The following NRP1 variants were observed in gnomAD, a reference collection of about 807,000 sequenced individuals.
The protein encoded by NRP1 is neuropilin-1.
NRP1 carries 35 observed loss-of-function variants against 106.7 expected under a neutral mutation model. The ratio of observed to expected loss-of-function variants is 0.33; its 90% confidence interval spans 0.25 to 0.43. NRP1 has a LOEUF of 0.43. Ranked by LOEUF, NRP1 falls within the 20% of genes least tolerant of loss-of-function variation. The pLI, the probability that NRP1 is intolerant of heterozygous loss-of-function variation, is 1.00. For missense variants in NRP1, 1,024 were observed against 1,170.4 expected (o/e 0.87, Z 1.83); for synonymous variants, 437 against 417.9 (o/e 1.05, Z -0.56).
At chr10:33,231,813 A>T (rs143114710) in intron 6 of NRP1, among the ~76,000 whole-genome samples, 41 of 152,312 alleles carry the variant, frequency 2.7e-4, no homozygotes, top group Middle Eastern at 3.4e-3. Flanking sequence ...GGGGATAAAC[A>T]GTAGGAGCTT....
chr10:33,228,440 T>C (rs981342239), intron 6 of NRP1, among the ~76,000 whole-genome samples: 2 of 152,172 alleles, frequency 1.3e-5, no homozygotes, highest in Non-Finnish European at 2.9e-5. Context: ...TCCCAACTTT[T>C]GAATTTTGCT....
chr10:33,254,904 C>T (rs761864986), intron 5 of NRP1, among the ~76,000 whole-genome samples: 1 of 152,210 alleles, frequency 6.6e-6, no homozygotes, highest in Non-Finnish European at 1.5e-5. Context: ...ATTAGGTGGA[C>T]ATGTCCCTGG....
In NRP1 at chr10:33,179,815, C is replaced by A; in HGVS notation, c.*261G>T. Reference sequence around the variant, plus strand: ...GAGGGGTCGAAATGAATGATTATGTCAATCATACTTGGTCTCAACACCAGC... The same window carrying A: ...GAGGGGTCGAAATGAATGATTATGTAAATCATACTTGGTCTCAACACCAGC... On this transcript the variant is annotated 3_prime_UTR_variant, in exon 17 of 17. Transcript: ENST00000374867. 1 of 464,180 alleles carries A rather than the reference C, an allele frequency of 2.2e-6. No individual in the cohort carries two copies. Among genetic ancestry groups the A allele is most frequent in the Non-Finnish European group, 3.9e-6 (1 of 258,908 alleles). The allele number at this position is 464,180 out of a possible 1,614,324, so 28.8% of individuals were successfully genotyped here. A position where few individuals can be genotyped will look rare whatever the true frequency, so the allele number is the denominator to read the frequency against.
In NRP1 at chr10:33,330,772, C is replaced by T; in HGVS notation, c.184G>A (p.Asp62Asn). The change falls in exon 2 of 17, where the codon GAC (aspartate) becomes AAC (asparagine). Residue 62 changes from aspartate to asparagine, a missense_variant. By Grantham distance (23) the Asp-to-Asn change is conservative. This residue lies in a region of NRP1 where 279 missense variants were observed against 327.4 expected (regional missense o/e 0.85). Transcript: ENST00000374867. Reference protein sequence around the residue: ...EKCEWLIQAPDPYQRIMINFN... With the variant: ...EKCEWLIQAPNPYQRIMINFN... The stretch of plus-strand genomic sequence containing the variant: ...TTGATCATAATTCTCTGGTATGGGT[C>T]CGGAGCCTGAATCAGCCATTCGCAT... The T allele has an allele frequency of 6.2e-7, 1 of 1,613,878 alleles. No homozygotes were observed. Among genetic ancestry groups the T allele is most frequent in the Non-Finnish European group, 8.5e-7 (1 of 1,179,854 alleles).
intron 2 of NRP1, among the ~76,000 whole-genome samples, chr10:33,286,215 G>C (rs1844524863): frequency 6.6e-6 from 1 of 152,178 alleles, no homozygotes; most frequent in Admixed American, 6.5e-5. Context: ...CAAAGAAACG[G>C]CTTCTCTAAT....
intron 15 of NRP1, among the ~76,000 whole-genome samples, chr10:33,184,217 TG>T (rs770285169): frequency 6.6e-5 from 10 of 152,132 alleles, no homozygotes; most frequent in Non-Finnish European, 1.5e-4. Context: ...GGTTTTGCCA[TG>T]TTGGCCAGGC....
intron 2 of NRP1, among the ~76,000 whole-genome samples, chr10:33,283,772 A>G (rs1400073107): frequency 6.6e-6 from 1 of 152,170 alleles, no homozygotes; most frequent in Non-Finnish European, 1.5e-5. Context: ...TTAAGGAGTA[A>G]TTGTGTGTTT....
chr10:33,275,098 C>G (rs1755725197), intron 2 of NRP1, among the ~76,000 whole-genome samples: 2 of 152,168 alleles, frequency 1.3e-5, no homozygotes, highest in Non-Finnish European at 2.9e-5. Flanking sequence ...TAGTCTGCAT[C>G]TATGTTTCTG....
At chr10:33,199,550 G>A (rs1267003686) in intron 11 of NRP1, among the ~76,000 whole-genome samples, 1 of 151,120 alleles carries the variant, frequency 6.6e-6, no homozygotes, top group African/African-American at 2.4e-5. Context: ...GCCAAAATCT[G>A]TATTTTTGAA....
intron 5 of NRP1, among the ~76,000 whole-genome samples, 182 bp downstream of exon 5, chr10:33,256,134 G>C (rs1842180279): frequency 1.3e-5 from 2 of 152,068 alleles, no homozygotes; most frequent in African/African-American, 4.8e-5. Flanking sequence ...ATTTTATGAA[G>C]AAAGCACACC....
At chr10:33,227,551 G>A (rs56239610) in intron 6 of NRP1, among the ~76,000 whole-genome samples, 52,362 of 151,956 alleles carry the variant, frequency 0.34, 9,261 homozygotes, top group East Asian at 0.64. Context: ...GTCATCAGGT[G>A]GGGGAGACTG....
Position 33,186,325 on chromosome 10 carries a change from G to A in NRP1, c.2226C>T (p.Tyr742=). ...HVGTLRVKLR[Y]QKPEEYDQLV... ...GCTGATCGTACTCCTCTGGCTTCTG[G>A]TAGCGCAGTTTGACCCTGAGTGTGC... Residue 742 remains tyrosine (Y), a synonymous_variant, in exon 14 of 17, where the codon TAC becomes TAT. Transcript: ENST00000374867. The A allele has an allele frequency of 6.2e-7, 1 of 1,614,154 alleles. No homozygotes were observed. The highest frequency in any genetic ancestry group is 8.5e-7 in the Non-Finnish European group (1 of 1,180,032).
At chr10:33,295,753 A>G (rs1845340662) in intron 2 of NRP1, among the ~76,000 whole-genome samples, 1 of 152,206 alleles carries the variant, frequency 6.6e-6, no homozygotes, top group African/African-American at 2.4e-5. Flanking sequence ...TTGGGGGTAC[A>G]CCATTAGATC....
intron 6 of NRP1, among the ~76,000 whole-genome samples, chr10:33,227,702 T>C (rs1295792929): frequency 3.3e-5 from 5 of 152,102 alleles, no homozygotes; most frequent in African/African-American, 9.7e-5. Flanking sequence ...TTGGAAGGCA[T>C]CAGAGTAGTG....
chr10:33,229,981 T>A (rs774608954), intron 6 of NRP1, among the ~76,000 whole-genome samples: 26 of 152,182 alleles, frequency 1.7e-4, no homozygotes, highest in Non-Finnish European at 3.7e-4. Flanking sequence ...GCCAGTGGGT[T>A]TAGTAAGGAT....
chr10:33,274,914 A>G (rs2133328588), intron 2 of NRP1, among the ~76,000 whole-genome samples: 1 of 152,284 alleles, frequency 6.6e-6, no homozygotes, highest in Non-Finnish European at 1.5e-5. Flanking sequence ...TCTTTGGTTT[A>G]TTTTGCACGA....
intron 8 of NRP1, among the ~76,000 whole-genome samples, chr10:33,220,269 C>G (rs905476408): frequency 2.6e-5 from 4 of 151,758 alleles, no homozygotes; most frequent in Admixed American, 2.0e-4. Flanking sequence ...TTTTTCCTTC[C>G]AAAGTCGGTA....
intron 2 of NRP1, among the ~76,000 whole-genome samples, chr10:33,330,507 C>T (rs755166533): frequency 6.6e-6 from 1 of 152,122 alleles, no homozygotes; most frequent in African/African-American, 2.4e-5. Flanking sequence ...ACACATTTAA[C>T]TATAATCTTC....
chr10:33,246,392 G>A (rs1841427041), intron 6 of NRP1, among the ~76,000 whole-genome samples: 1 of 152,156 alleles, frequency 6.6e-6, no homozygotes, highest in African/African-American at 2.4e-5. Flanking sequence ...TGGAAACTCA[G>A]TCATAGGTAA....
Sources: gnomAD v4.1 joint callset for allele counts (sites outside exome capture counted in the v4.1 genomes callset) on GRCh38, gnomAD v4.1.1 for gene constraint, gnomAD v4.1.1 regional missense constraint, MANE v1.5 for transcripts, NCBI Gene and HGNC (gene_info 2026-07-23, HGNC 2026-07-21) for gene names.